Variants in CHD5 observed in about 807,000 individuals in gnomAD.
The protein encoded by CHD5 is chromodomain helicase DNA binding protein 5.
A neutral mutation model predicts 230.3 loss-of-function variants in CHD5; 69 were observed. The observed-to-expected ratio is 0.30, with a 90% CI of 0.25 to 0.37. The LOEUF is 0.37. Among genes scored for constraint, CHD5 ranks in the 10% least tolerant of loss-of-function variants. CHD5 has a pLI of 1.00. For synonymous variants in CHD5, 1,064 were observed against 1,065.9 expected (o/e 1.00, Z 0.03); for missense variants, 1,827 against 2,622.8 (o/e 0.70, Z 6.63).
chr1:6,125,330 G>C lies in CHD5; in HGVS notation c.4261-97C>G. 1 of 1,317,808 alleles carries C rather than the reference G, an allele frequency of 7.6e-7. No homozygotes were observed. Among genetic ancestry groups the C allele is most frequent in the South Asian group, 1.4e-5 (1 of 71,740 alleles). 81.6% of individuals were successfully genotyped at this position (1,317,808 alleles called of 1,614,324 possible). A position where few individuals can be genotyped will look rare whatever the true frequency, so the allele number is the denominator to read the frequency against. On this transcript the variant is annotated intron_variant, in intron 28 of 41. Transcript: ENST00000262450. This position sits in a 1 kb window ranked among gnomAD's most constrained non-coding sequence, Gnocchi z 6.7. ...GAAGAAAAGCATGGGAGGAGGAGAA[G>C]GTAGGAAGGGGGCACAGAGAAGGCA...
Position 6,144,004 on chromosome 1 carries a change from G to A in CHD5, c.1934+20C>T. 1 of 1,614,136 alleles carries A rather than the reference G, an allele frequency of 6.2e-7. No individual in the cohort carries two copies. On this transcript the variant is annotated intron_variant, in intron 12 of 41. Coordinates refer to ENST00000262450, the MANE Select transcript of CHD5 (RefSeq NM_015557.3). ...AGGTCCCGGCAGCCTGTGCCTAGCAGCCGGATCCCTGCGACCCACCTGTGG... is the reference window on the plus strand; with the variant it reads ...AGGTCCCGGCAGCCTGTGCCTAGCAACCGGATCCCTGCGACCCACCTGTGG...
chr1:6,170,294 C>G (rs1022887725), intron 1 of CHD5, among the ~76,000 whole-genome samples: 8 of 152,162 alleles, frequency 5.3e-5, no homozygotes, highest in Admixed American at 1.3e-4. Flanking sequence ...CACAGGCCCC[C>G]ACCGCCCGGC....
chr1:6,125,391 G>A lies in CHD5; in HGVS notation c.4260+133C>T. On this transcript the variant is annotated intron_variant, in intron 28 of 41. Transcript: ENST00000262450. The surrounding 1 kb of genome is among the most constrained non-coding windows in gnomAD (Gnocchi z 6.7). ...CCTGGGGCAGGACCCTGACGGCGAA[G>A]ACCAGACCAAGTTCTGTCCAAGCTC... 1 of 1,253,612 alleles carries A rather than the reference G, an allele frequency of 8.0e-7. No individual in the cohort carries two copies. The highest frequency in any genetic ancestry group is 2.2e-4 in the Middle Eastern group (1 of 4,638). 77.7% of individuals were successfully genotyped at this position (1,253,612 alleles called of 1,614,324 possible). A position where few individuals can be genotyped will look rare whatever the true frequency, so the allele number is the denominator to read the frequency against.
In CHD5 at chr1:6,102,905, C is replaced by T. The variant is rs746511408; in HGVS notation, c.*2569G>A. 5 of 152,466 alleles carry T rather than the reference C, an allele frequency of 3.3e-5. No homozygotes were observed. The highest frequency in any genetic ancestry group is 5.9e-5 in the Non-Finnish European group (4 of 68,058). The allele number at this position is 152,466 out of a possible 1,614,324, so 9.4% of individuals were successfully genotyped here. On this transcript the variant is annotated 3_prime_UTR_variant, in exon 42 of 42. Transcript: ENST00000262450. ...GTCACCTGAGCCCATGGGGCAATGCCTTCCAAGACCTTGGCTCAAACATGG... is the reference window on the plus strand; with the variant it reads ...GTCACCTGAGCCCATGGGGCAATGCTTTCCAAGACCTTGGCTCAAACATGG...
At position 6,134,327 on chromosome 1, in the gene CHD5, G is replaced by T; in HGVS notation, c.3013-68C>A. 6.4e-7 allele frequency: 1 copy of T among 1,570,364 alleles called. No homozygotes were observed. The highest frequency in any genetic ancestry group is 1.1e-5 in the South Asian group (1 of 89,502). On this transcript the variant is annotated intron_variant, in intron 19 of 41. Coordinates refer to ENST00000262450, the MANE Select transcript of CHD5 (RefSeq NM_015557.3). This position sits in a 1 kb window ranked among gnomAD's most constrained non-coding sequence, Gnocchi z 6.3. ...TCCTCTCTGACTCTGCACCAAAGGG[G>T]CCGCAGGGAACAGACAAGTGCTGAG...
intron 33 of CHD5, among the ~76,000 whole-genome samples, chr1:6,117,564 A>C (rs1185933488): frequency 6.6e-6 from 1 of 152,228 alleles, no homozygotes; most frequent in African/African-American, 2.4e-5. Context: ...TTGATTAATT[A>C]ATTTAAAAAG....
At position 6,128,269 on chromosome 1, in the gene CHD5, C is replaced by G. The variant is rs1557544684; in HGVS notation, c.3731-51G>C. On this transcript the variant is annotated intron_variant, in intron 24 of 41. Coordinates refer to ENST00000262450, the MANE Select transcript of CHD5 (RefSeq NM_015557.3). The surrounding 1 kb of genome is among the most constrained non-coding windows in gnomAD (Gnocchi z 7.8). ...AGGACAAAGACTGCCCTGGTCCAGCCCCGGGGTCCCAGGAACAGACTCCCA... is the reference window on the plus strand; with the variant it reads ...AGGACAAAGACTGCCCTGGTCCAGCGCCGGGGTCCCAGGAACAGACTCCCA... The G allele has an allele frequency of 1.3e-6, 2 of 1,578,110 alleles. No individual in the cohort carries two copies. Among genetic ancestry groups the G allele is most frequent in the Non-Finnish European group, 1.7e-6 (2 of 1,154,770 alleles).
rs774478347 is a variant in CHD5 at position 6,159,541 on chromosome 1, G to A, written c.208-26C>T. 4.4e-6 allele frequency: 7 copies of A among 1,578,156 alleles called. No homozygotes were observed. In the East Asian group the frequency reaches 1.1e-4, roughly 26 times the overall value. On this transcript the variant is annotated intron_variant, in intron 2 of 41. Transcript: ENST00000262450. The stretch of plus-strand genomic sequence containing the variant: ...CTGGAAAAGAAGGGGGACAGTGAGG[G>A]CAACAGAGGCCCCAGGAACATCCAG...
At chr1:6,145,038 G>A (rs185705440) in intron 11 of CHD5, among the ~76,000 whole-genome samples, 26 of 152,248 alleles carry the variant, frequency 1.7e-4, no homozygotes, top group Non-Finnish European at 3.2e-4. Flanking sequence ...AAAACCATGG[G>A]CCAATTCATT....
rs1394336795 is a variant in CHD5 at position 6,154,397 on chromosome 1, C to T, written c.745+263G>A. ...CGGGGGCACCTCCTGGCTGGCCAGG[C>T]TCAAACCTCCCAGACCTCTGCCCAC... On this transcript the variant is annotated intron_variant, in intron 5 of 41. Coordinates refer to ENST00000262450, the MANE Select transcript of CHD5 (RefSeq NM_015557.3). This position sits in a 1 kb window ranked among gnomAD's most constrained non-coding sequence, Gnocchi z 7.0. Among the ~76,000 whole-genome samples, 1 of 152,204 alleles carries T rather than the reference C, an allele frequency of 6.6e-6. No homozygotes were observed. The highest frequency in any genetic ancestry group is 2.4e-5 in the African/African-American group (1 of 41,458).
At position 6,130,184 on chromosome 1, in the gene CHD5, T is replaced by C. The variant is rs1341024373; in HGVS notation, c.3387+20A>G. ...GATGAGAGGCCCCCTGGGAGGGTGG[T>C]GGGCGGCAGCAGCACAGACCTGGAT... is the stretch of plus-strand genomic sequence containing the variant. On this transcript the variant is annotated intron_variant, in intron 22 of 41. Coordinates refer to ENST00000262450, the MANE Select transcript of CHD5 (RefSeq NM_015557.3). This position sits in a 1 kb window ranked among gnomAD's most constrained non-coding sequence, Gnocchi z 4.9. 3 of 1,612,966 alleles carry C rather than the reference T, an allele frequency of 1.9e-6. No individual in the cohort carries two copies. Among genetic ancestry groups the C allele is most frequent in the South Asian group, 1.1e-5 (1 of 91,012 alleles).
chr1:6,177,952 C>T (rs2100892112), intron 1 of CHD5, among the ~76,000 whole-genome samples: 1 of 152,256 alleles, frequency 6.6e-6, no homozygotes, highest in African/African-American at 2.4e-5. Context: ...GTGACCCCAG[C>T]TGCTGTGCAG....
At position 6,130,910 on chromosome 1, in the gene CHD5, A is replaced by G. The variant is rs915249527; in HGVS notation, c.3263-582T>C. Reference sequence around the variant, plus strand: ...GGGCTTCAGCCACTCCTGCTTCCACATGTGGCTGGGCCACGTCTAGACCCT... The same window carrying G: ...GGGCTTCAGCCACTCCTGCTTCCACGTGTGGCTGGGCCACGTCTAGACCCT... On this transcript the variant is annotated intron_variant, in intron 21 of 41. Coordinates refer to ENST00000262450, the MANE Select transcript of CHD5 (RefSeq NM_015557.3). The surrounding 1 kb of genome is among the most constrained non-coding windows in gnomAD (Gnocchi z 4.9). Among the ~76,000 whole-genome samples, 10 of 152,198 alleles carry G rather than the reference A, an allele frequency of 6.6e-5. No homozygotes were observed. Among genetic ancestry groups the G allele is most frequent in the African/African-American group, 2.4e-4 (10 of 41,448 alleles).
At chr1:6,172,367 C>A (rs908035235) in intron 1 of CHD5, among the ~76,000 whole-genome samples, 1 of 152,164 alleles carries the variant, frequency 6.6e-6, no homozygotes, top group African/African-American at 2.4e-5. Context: ...GACAGAGTCG[C>A]TGGCTGGAGT....
rs1489096370 is a variant in CHD5 at position 6,126,742 on chromosome 1, TC to T, written c.3907del (p.Glu1303ArgfsTer98). ...CTGCTTGATGATTTCCCGCTCCACC[TC>T]CTCCTGGGGACGCAGCACCACGGGT... ...YVVREEDGVE[E>X]VEREIIKQEE... On this transcript the variant is annotated frameshift_variant, in exon 26 of 42. Transcript: ENST00000262450. LOFTEE classifies it high-confidence loss of function. This position sits in a 1 kb window ranked among gnomAD's most constrained non-coding sequence, Gnocchi z 5.7. The T allele has an allele frequency of 6.2e-7, 1 of 1,612,760 alleles. No homozygotes were observed. Among genetic ancestry groups the T allele is most frequent in the Non-Finnish European group, 8.5e-7 (1 of 1,179,358 alleles).
rs867830198 is a variant in CHD5, at chr1:6,179,987, G to A, written c.37C>T (p.Arg13Trp). 2.2e-6 allele frequency: 3 copies of A among 1,386,586 alleles called. No individual in the cohort carries two copies. Among genetic ancestry groups the A allele is most frequent in the Middle Eastern group, 1.9e-4 (1 of 5,304 alleles). 85.9% of individuals were successfully genotyped at this position (1,386,586 alleles called of 1,614,324 possible). A position where few individuals can be genotyped will look rare whatever the true frequency, so the allele number is the denominator to read the frequency against. ...GPVGTEEELP[R>W]LFAEEMENED... ...TTCTCCATCTCCTCGGCGAACAGCC[G>A]CGGCAGCTCCTCCTCGGTGCCCACT... Residue 13 changes from arginine (R) to tryptophan (W), a missense_variant, in exon 1 of 42, where the codon CGG becomes TGG. Arg to Trp is a moderately radical substitution (Grantham distance 101, BLOSUM62 -3). Coordinates refer to ENST00000262450, the MANE Select transcript of CHD5 (RefSeq NM_015557.3).
At chr1:6,110,332 G>C (rs578149669) in intron 37 of CHD5, 62 bp downstream of exon 37, 6 of 1,594,130 alleles carry the variant, frequency 3.8e-6, no homozygotes, top group Middle Eastern at 1.7e-4. Context: ...TTGCCTTTGC[G>C]AGGGTCCTCC....
chr1:6,169,060 G>A (rs906361863), intron 1 of CHD5, among the ~76,000 whole-genome samples: 1 of 151,828 alleles, frequency 6.6e-6, no homozygotes, highest in East Asian at 1.9e-4. Context: ...GTGGAGCACA[G>A]GGACACTCAA....
rs772837051 is a variant in CHD5, at chr1:6,142,386, C to T, written c.2235+28G>A. On this transcript the variant is annotated intron_variant, in intron 14 of 41. Transcript: ENST00000262450. This position sits in a 1 kb window ranked among gnomAD's most constrained non-coding sequence, Gnocchi z 5.2. Reference sequence around the variant, plus strand: ...TGCCCTTGGCCAGGACCAGCCACCCCTCCTGGCCGCCTGCCCCGCCTGCCC... The same window carrying T: ...TGCCCTTGGCCAGGACCAGCCACCCTTCCTGGCCGCCTGCCCCGCCTGCCC... 1.2e-5 allele frequency: 19 copies of T among 1,596,718 alleles called. No homozygotes were observed. In the South Asian group the frequency reaches 2.0e-4, roughly 17 times the overall value.
Sources: allele counts gnomAD v4.1 joint callset (sites outside exome capture counted in the v4.1 genomes callset), GRCh38; gene constraint gnomAD v4.1.1; non-coding constraint Gnocchi (gnomAD v3.1); transcripts MANE v1.5; gene names NCBI Gene and HGNC (gene_info 2026-07-23, HGNC 2026-07-21).